Variants in KCNH8 observed in about 807,000 individuals in gnomAD.
The protein encoded by KCNH8 is potassium voltage-gated channel subfamily H member 8, also known as voltage-gated delayed rectifier potassium channel KCNH8.
A neutral mutation model predicts 103.6 loss-of-function variants in KCNH8; 70 were observed. That is an observed-to-expected ratio of 0.68 (90% CI 0.56 to 0.82). KCNH8 has a LOEUF of 0.82. Ranked by LOEUF, KCNH8 falls within the 40% of genes least tolerant of loss-of-function variation. KCNH8 has a pLI of 0.00. For missense variants in KCNH8, 1,217 were observed against 1,329.9 expected, an observed-to-expected ratio of 0.92 and a Z score of 1.32; for synonymous variants, 498 against 489.4, an observed-to-expected ratio of 1.02 and a Z score of -0.23.
chr3:19,469,388 C>A (rs904197682), intron 11 of KCNH8, among the ~76,000 whole-genome samples: 1 of 152,046 alleles, frequency 6.6e-6, no homozygotes, highest in Non-Finnish European at 1.5e-5. Context: ...AAATAATGGC[C>A]TGGGAATTGT....
At chr3:19,308,704 CT>C (rs2065165639) in intron 3 of KCNH8, among the ~76,000 whole-genome samples, 14 of 80,964 alleles carry the variant, frequency 1.7e-4, no homozygotes, top group African/African-American at 6.4e-4. Flanking sequence ...CTCTCTCTCT[CT>C]CTCTCTCTCT....
chr3:19,525,408 A>G (rs2069047617), intron 15 of KCNH8, among the ~76,000 whole-genome samples: 1 of 151,812 alleles, frequency 6.6e-6, no homozygotes, highest in Non-Finnish European at 1.5e-5. Context: ...AAGTTTGACA[A>G]GCACTGTTCT....
intron 14 of KCNH8, among the ~76,000 whole-genome samples, chr3:19,516,390 T>C (rs919446094): frequency 1.3e-5 from 2 of 152,070 alleles, no homozygotes; most frequent in African/African-American, 4.8e-5. Context: ...GTGAAATTCC[T>C]TGATTGGGAG....
At chr3:19,355,450 A>T (rs1425668253) in intron 5 of KCNH8, among the ~76,000 whole-genome samples, 2 of 152,220 alleles carry the variant, frequency 1.3e-5, no homozygotes, top group Non-Finnish European at 1.5e-5. Flanking sequence ...TTATTGCAGC[A>T]CTATTCACAA....
chr3:19,513,318 A>G lies in KCNH8; in HGVS notation c.2428A>G (p.Ser810Gly). The G allele has an allele frequency of 6.3e-7, 1 of 1,591,682 alleles. No individual in the cohort carries two copies. The part of the protein sequence containing the change: ...TLNNAGPPDL[S>G]PRIVDGIEDG... ...GAATAATGCTGGACCCCCAGACCTC[A>G]GTCCAAGGTAAGAGTTCATATCATA... The change falls in exon 13 of 16, where the codon AGT becomes GGT. Residue 810 changes from serine to glycine, a missense_variant. Around this residue, in one of 3 missense-constraint regions of KCNH8, gnomAD observed 558 missense variants for 495.8 expected, o/e 1.13. Coordinates refer to ENST00000328405, the MANE Select transcript of KCNH8 (RefSeq NM_144633.3).
intron 3 of KCNH8, among the ~76,000 whole-genome samples, chr3:19,316,874 C>T (rs2125300964): frequency 6.6e-6 from 1 of 152,042 alleles, no homozygotes; most frequent in East Asian, 1.9e-4. Context: ...TTATCTCTGT[C>T]TTTCCAGCTC....
At chr3:19,201,602 C>T (rs1284135024) in intron 1 of KCNH8, among the ~76,000 whole-genome samples, 1 of 151,872 alleles carries the variant, frequency 6.6e-6, no homozygotes, top group African/African-American at 2.4e-5. Flanking sequence ...GCTCAATGGC[C>T]CTTAGCTATG....
chr3:19,271,920 G>A (rs1190466259), intron 2 of KCNH8, among the ~76,000 whole-genome samples: 2 of 152,044 alleles, frequency 1.3e-5, no homozygotes, highest in African/African-American at 4.8e-5. Flanking sequence ...ACACAAATTT[G>A]TTCTGATCAT....
chr3:19,245,179 A>G (rs1559440216), intron 1 of KCNH8, among the ~76,000 whole-genome samples: 1 of 152,166 alleles, frequency 6.6e-6, no homozygotes, highest in Non-Finnish European at 1.5e-5. Context: ...GCATATGGCT[A>G]ACCAGTTATC....
chr3:19,496,959 G>T (rs2068455700), intron 11 of KCNH8, among the ~76,000 whole-genome samples: 1 of 151,858 alleles, frequency 6.6e-6, no homozygotes, highest in Admixed American at 6.6e-5. Context: ...GGTTCTTCTA[G>T]ATTTTCTAGT....
intron 6 of KCNH8, among the ~76,000 whole-genome samples, chr3:19,393,281 A>G (rs538289028): frequency 1.3e-5 from 2 of 152,046 alleles, no homozygotes; most frequent in Non-Finnish European, 2.9e-5. Flanking sequence ...TTAAAACTGT[A>G]GCAAGAAGCT....
chr3:19,378,722 A>G (rs2066246372), intron 5 of KCNH8, among the ~76,000 whole-genome samples: 1 of 152,232 alleles, frequency 6.6e-6, no homozygotes, highest in Non-Finnish European at 1.5e-5. Context: ...ATTGGATTTC[A>G]TGAGAAATGA....
chr3:19,180,138 A>G (rs2063436605), intron 1 of KCNH8, among the ~76,000 whole-genome samples: 1 of 152,156 alleles, frequency 6.6e-6, no homozygotes, highest in Non-Finnish European at 1.5e-5. Context: ...TAGAGAAAAT[A>G]TGCTAGGATA....
intron 2 of KCNH8, among the ~76,000 whole-genome samples, chr3:19,273,030 G>T (rs1190946221): frequency 1.4e-4 from 21 of 152,110 alleles, no homozygotes; most frequent in Admixed American, 1.4e-3. Context: ...ATGTCCAATT[G>T]CTTGCAATGT....
rs181654613 is a variant in KCNH8, at chr3:19,494,358, G to T, written c.2041-16005G>T. Among the ~76,000 whole-genome samples, 8 of 152,000 alleles carry T rather than the reference G, an allele frequency of 5.3e-5. No individual in the cohort carries two copies. In the South Asian group the frequency reaches 8.3e-4, roughly 16 times the overall value. On this transcript the variant is annotated intron_variant, in intron 11 of 15. Coordinates refer to ENST00000328405, the MANE Select transcript of KCNH8 (RefSeq NM_144633.3). ...CCTTTCCCTTGCTGTTCTCATGATG[G>T]TAAATGGGTCTCATGATGGCCAATG...
chr3:19,216,390 A>G (rs1287396533), intron 1 of KCNH8, among the ~76,000 whole-genome samples: 1 of 152,234 alleles, frequency 6.6e-6, no homozygotes, highest in Admixed American at 6.5e-5. Flanking sequence ...ACGAAATTCA[A>G]GTGGTGCCAC....
intron 11 of KCNH8, among the ~76,000 whole-genome samples, chr3:19,487,747 T>C (rs2068240184): frequency 6.6e-6 from 1 of 152,206 alleles, no homozygotes; most frequent in South Asian, 2.1e-4. Flanking sequence ...CCAGTAACTT[T>C]AGCTGTAAAG....
chr3:19,239,954 T>C lies in KCNH8; in HGVS notation c.77-13700T>C, dbSNP rs146828237. Among the ~76,000 whole-genome samples, 445 of 152,276 alleles carry C rather than the reference T, an allele frequency of 2.9e-3. 1 individual carries two copies. The highest frequency in any genetic ancestry group is 0.01 in the African/African-American group (424 of 41,540). On this transcript the variant is annotated intron_variant, in intron 1 of 15. Transcript: ENST00000328405. ...TATGATCATCCTTTTAGCTAGAGCATATTCAGTATCACAACCAATGCCTTC... is the reference window on the plus strand; with the variant it reads ...TATGATCATCCTTTTAGCTAGAGCACATTCAGTATCACAACCAATGCCTTC...
At chr3:19,252,578 TG>T (rs1242924273) in intron 1 of KCNH8, among the ~76,000 whole-genome samples, 2 of 151,876 alleles carry the variant, frequency 1.3e-5, no homozygotes, top group Non-Finnish European at 2.9e-5. Flanking sequence ...TCAGTAGGGA[TG>T]GGGTTTCACC....
Sources: allele counts gnomAD v4.1 joint callset (sites outside exome capture counted in the v4.1 genomes callset), GRCh38; gene constraint gnomAD v4.1.1; regional missense constraint gnomAD v4.1.1; transcripts MANE v1.5; gene names NCBI Gene and HGNC (gene_info 2026-07-23, HGNC 2026-07-21).